PRKCD: variants seen among roughly 807,000 people sequenced by gnomAD.
PRKCD encodes protein kinase C delta.
PRKCD carries 20 observed loss-of-function variants against 82.2 expected under a neutral mutation model. The ratio of observed to expected loss-of-function variants is 0.24; its 90% CI spans 0.17 to 0.35. PRKCD has a LOEUF of 0.35. PRKCD is among the 10% of genes least tolerant of loss of function. The pLI, the probability that PRKCD is intolerant of heterozygous loss-of-function variation, is 1.00. For synonymous variants in PRKCD, 317 were observed against 337.0 expected, an observed-to-expected ratio of 0.94 and a Z score of 0.65; for missense variants, 607 against 899.0, an observed-to-expected ratio of 0.68 and a Z score of 4.15.
At chr3:53,171,800 G>C (rs1703039388) in intron 2 of PRKCD, among the ~76,000 whole-genome samples, 1 of 152,212 alleles carries the variant, frequency 6.6e-6, no homozygotes, top group Non-Finnish European at 1.5e-5. Context: ...GCCAGAACAG[G>C]GATTGAGGTA....
At chr3:53,192,032 G>A in intron 18 of PRKCD, 76 bp from the exon 19 acceptor site, 1 of 1,521,976 alleles carries the variant, frequency 6.6e-7, no homozygotes, top group Non-Finnish European at 9.1e-7. Flanking sequence ...GCCCAGCCCT[G>A]CAGGGACTCC....
intron 15 of PRKCD, 85 bp downstream of exon 15, chr3:53,187,487 C>T (rs1275692513): frequency 6.9e-7 from 1 of 1,453,038 alleles, no homozygotes; most frequent in Non-Finnish European, 9.5e-7. Context: ...GCAGGATCCC[C>T]CCAACTCCAG....
chr3:53,178,615 G>A, intron 3 of PRKCD, 78 bp downstream of exon 3: 1 of 1,235,018 alleles, frequency 8.1e-7, no homozygotes, highest in Non-Finnish European at 1.1e-6. Flanking sequence ...GCCTGGCCTT[G>A]TTCCCTGCAA....
chr3:53,170,605 A>G (rs1702988442), intron 2 of PRKCD, among the ~76,000 whole-genome samples: 1 of 152,202 alleles, frequency 6.6e-6, no homozygotes, highest in Admixed American at 6.5e-5. Context: ...CTGGATCAAG[A>G]GGGACTTTCT....
At chr3:53,188,889 A>C (rs782544455) in intron 16 of PRKCD, 31 bp downstream of exon 16, 4 of 1,610,692 alleles carry the variant, frequency 2.5e-6, no homozygotes, top group African/African-American at 1.3e-5. Flanking sequence ...CCCCCCGCTC[A>C]GTCAGGCACC....
In PRKCD at chr3:53,185,704, A is replaced by C; in HGVS notation, c.985+4A>C. Reference sequence around the variant, plus strand: ...GTTGCTGGGGAGGACATGCAAGGTGAAGCTGGGTCCATTGCCCCATTACGG... The same window carrying C: ...GTTGCTGGGGAGGACATGCAAGGTGCAGCTGGGTCCATTGCCCCATTACGG... On this transcript the variant is annotated splice_donor_region_variant and intron_variant, in intron 11 of 18. Transcript: ENST00000330452. 1 of 1,612,088 alleles carries C rather than the reference A, an allele frequency of 6.2e-7. No homozygotes were observed. Among genetic ancestry groups the C allele is most frequent in the Non-Finnish European group, 8.5e-7 (1 of 1,179,750 alleles).
intron 17 of PRKCD, among the ~76,000 whole-genome samples, 174 bp from the exon 18 acceptor site, chr3:53,189,699 C>T (rs375337189): frequency 5.3e-5 from 8 of 152,214 alleles, no homozygotes; most frequent in African/African-American, 4.8e-5. Context: ...CTGTCATCTC[C>T]GGGGGAGCTG....
At position 53,192,305 on chromosome 3, in the gene PRKCD, A is replaced by C; in HGVS notation, c.*39A>C. On this transcript the variant is annotated 3_prime_UTR_variant, in exon 19 of 19. Transcript: ENST00000330452. Reference sequence around the variant, plus strand: ...ATCAGGCTAGCCCTGCCCTCCACCCACACCTGCCCGCTCCCCACGATAAGC... The same window carrying C: ...ATCAGGCTAGCCCTGCCCTCCACCCCCACCTGCCCGCTCCCCACGATAAGC... The C allele has an allele frequency of 6.2e-7, 1 of 1,603,392 alleles. No individual in the cohort carries two copies. Among genetic ancestry groups the C allele is most frequent in the South Asian group, 1.1e-5 (1 of 90,876 alleles).
intron 9 of PRKCD, 144 bp downstream of exon 9, chr3:53,183,725 G>C (rs1553668320): frequency 8.1e-7 from 1 of 1,227,858 alleles, no homozygotes; most frequent in East Asian, 2.6e-5. Context: ...AGGCCTTGGT[G>C]GACCCTCCCC....
chr3:53,189,637 A>G (rs989171760), intron 17 of PRKCD, among the ~76,000 whole-genome samples: 1 of 152,240 alleles, frequency 6.6e-6, no homozygotes, highest in Admixed American at 6.5e-5. Context: ...CCAGGCAGAT[A>G]GTAAATAATA....
At chr3:53,166,915 T>C (rs1490796284) in intron 2 of PRKCD, among the ~76,000 whole-genome samples, 2 of 152,250 alleles carry the variant, frequency 1.3e-5, no homozygotes, top group Non-Finnish European at 2.9e-5. Context: ...GTGCCAGCAC[T>C]GTGTGCCTGC....
chr3:53,181,781 A>C, intron 7 of PRKCD, 49 bp downstream of exon 7: 1 of 1,613,598 alleles, frequency 6.2e-7, no homozygotes, highest in South Asian at 1.1e-5. Context: ...ATGTGTGCTC[A>C]CGTGTGCCAG....
At chr3:53,162,745 C>T (rs1702716376) in intron 1 of PRKCD, among the ~76,000 whole-genome samples, 1 of 146,090 alleles carries the variant, frequency 6.8e-6, no homozygotes, top group African/African-American at 2.5e-5. Context: ...TGTGTGTGTC[C>T]CTGTGTGTCT....
rs535858109 is a variant in PRKCD, at chr3:53,169,314, C to T, written c.-20+4099C>T. 1.2e-4 allele frequency among the ~76,000 whole-genome samples: 19 copies of T among 152,134 alleles called. No individual in the cohort carries two copies. Among genetic ancestry groups the T allele is most frequent in the Non-Finnish European group, 2.2e-4 (15 of 67,968 alleles). On this transcript the variant is annotated intron_variant, in intron 2 of 18. Transcript: ENST00000330452. This position sits in a 1 kb window ranked among gnomAD's most constrained non-coding sequence, Gnocchi z 4.7. Reference sequence around the variant, plus strand: ...GGAGGGTCTGGGCCCAAAGTAGAGACGGGAGCCTAAAGCCAGGATTGGGGA... The same window carrying T: ...GGAGGGTCTGGGCCCAAAGTAGAGATGGGAGCCTAAAGCCAGGATTGGGGA...
chr3:53,186,460 C>CT (rs1703694776), intron 13 of PRKCD, 120 bp downstream of exon 13: 3 of 1,396,774 alleles, frequency 2.1e-6, no homozygotes, highest in South Asian at 1.3e-5. Context: ...CATGCTTTCC[C>CT]CCCTCATGCC....
intron 18 of PRKCD, 42 bp downstream of exon 18, chr3:53,190,043 C>T (rs781965514): frequency 1.2e-6 from 2 of 1,610,494 alleles, no homozygotes; most frequent in Non-Finnish European, 1.7e-6. Context: ...CTGAGCTACT[C>T]CTCTCCTGCC....
chr3:53,184,746 C>A, intron 9 of PRKCD, 128 bp from the exon 10 acceptor site: 1 of 649,556 alleles, frequency 1.5e-6, no homozygotes, highest in Non-Finnish European at 2.8e-6. Flanking sequence ...CAATGTTTTC[C>A]TAGAAACTGG....
rs188610371 is a variant in PRKCD at position 53,179,662 on chromosome 3, C to T, written c.201C>T (p.Arg67=). Residue 67 remains arginine, a synonymous_variant, in exon 4 of 19, where the codon CGC becomes CGT. Transcript: ENST00000330452. ...TCGATGCCCACATCTATGAGGGGCG[C>T]GTCATCCAGATTGTGCTAATGCGGG... ...STFDAHIYEG[R]VIQIVLMRAA... is the part of the protein sequence containing the mutation. The T allele has an allele frequency of 2.0e-5, 32 of 1,613,704 alleles. No individual in the cohort carries two copies. Among genetic ancestry groups the T allele is most frequent in the Middle Eastern group, 1.6e-4 (1 of 6,062 alleles).
intron 4 of PRKCD, among the ~76,000 whole-genome samples, chr3:53,180,457 G>C (rs1553667170): frequency 6.6e-6 from 1 of 152,244 alleles, no homozygotes; most frequent in African/African-American, 2.4e-5. Context: ...GTGTGTTCTG[G>C]GTGGCCACAG....
Sources: gnomAD v4.1 joint callset for allele counts (sites outside exome capture counted in the v4.1 genomes callset) on GRCh38, gnomAD v4.1.1 for gene constraint, Gnocchi (gnomAD v3.1) non-coding constraint, MANE v1.5 for transcripts, NCBI Gene and HGNC (gene_info 2026-07-23, HGNC 2026-07-21) for gene names.